ITM2B: variants seen among roughly 807,000 people sequenced by gnomAD.
The protein encoded by ITM2B is ABri/ADan amyloid peptide.
In ITM2B, 11 loss-of-function variants were observed where a neutral mutation model predicts 27.8. The observed-to-expected ratio is 0.40, with a 90% CI of 0.25 to 0.66. ITM2B has a LOEUF of 0.66. ITM2B is among the 30% of genes least tolerant of loss of function. ITM2B has a pLI of 0.43. For missense variants in ITM2B, 296 were observed against 328.9 expected (o/e 0.90, Z 0.77); for synonymous variants, 114 against 114.3 (o/e 1.00, Z 0.02).
chr13:48,241,255 A>G (rs7321677), intron 1 of ITM2B, among the ~76,000 whole-genome samples: 3,780 of 152,300 alleles, frequency 0.025, 147 homozygotes, highest in African/African-American at 0.086. Context: ...TCTGTCACCC[A>G]GGCTCGAGTG....
chr13:48,238,456 C>T (rs970252941), intron 1 of ITM2B, among the ~76,000 whole-genome samples: 39 of 152,178 alleles, frequency 2.6e-4, no homozygotes, highest in African/African-American at 7.9e-4. Flanking sequence ...AAGTTTGAAT[C>T]TTGAGTTGTA....
chr13:48,259,950 T>A (rs897738741), intron 5 of ITM2B, among the ~76,000 whole-genome samples: 1 of 152,120 alleles, frequency 6.6e-6, no homozygotes, highest in Non-Finnish European at 1.5e-5. Flanking sequence ...GCTGCACCCA[T>A]CAACCTGTCA....
At chr13:48,241,555 T>G (rs1221972534) in intron 1 of ITM2B, among the ~76,000 whole-genome samples, 1 of 152,184 alleles carries the variant, frequency 6.6e-6, no homozygotes, top group African/African-American at 2.4e-5. Flanking sequence ...AATCAGTGGT[T>G]GTTAAACATT....
In ITM2B at chr13:48,265,050, C is replaced by A. The variant is rs1441923351; in HGVS notation, c.*3826C>A. The A allele has an allele frequency of 6.6e-6, 1 of 152,050 alleles. No homozygotes were observed. The highest frequency in any genetic ancestry group is 1.5e-5 in the Non-Finnish European group (1 of 68,024). The allele number at this position is 152,050 out of a possible 1,614,324, so 9.4% of individuals were successfully genotyped here. On this transcript the variant is annotated 3_prime_UTR_variant, in exon 6 of 6. Coordinates refer to ENST00000647800, the MANE Select transcript of ITM2B (RefSeq NM_021999.5). ...TGGGCTTAGGGGTCAAAATTGAGAC[C>A]TAAGTGGTATAAAACAAGATAATCC...
chr13:48,254,473 G>A (rs1951774028), intron 2 of ITM2B, among the ~76,000 whole-genome samples: 1 of 152,174 alleles, frequency 6.6e-6, no homozygotes, highest in Non-Finnish European at 1.5e-5. Flanking sequence ...ATAACTTTGA[G>A]TGTTTAATAG....
chr13:48,260,012 C>T (rs551782864), intron 5 of ITM2B, among the ~76,000 whole-genome samples: 16 of 152,140 alleles, frequency 1.1e-4, no homozygotes, highest in African/African-American at 3.4e-4. Context: ...CCCCACCTCC[C>T]GACAGGCCCC....
At chr13:48,238,656 C>T (rs1051389632) in intron 1 of ITM2B, among the ~76,000 whole-genome samples, 5 of 152,040 alleles carry the variant, frequency 3.3e-5, no homozygotes, top group African/African-American at 9.7e-5. Context: ...ATATCCTGGA[C>T]GTTTATTTGG....
At chr13:48,260,421 C>T (rs9332298) in intron 5 of ITM2B, among the ~76,000 whole-genome samples, 3,149 of 152,210 alleles carry the variant, frequency 0.021, 100 homozygotes, top group African/African-American at 0.068. Flanking sequence ...GGAATTGCCA[C>T]ACTCTCTTCC....
intron 1 of ITM2B, among the ~76,000 whole-genome samples, chr13:48,252,793 T>C (rs1951762658): frequency 6.6e-6 from 1 of 152,262 alleles, no homozygotes; most frequent in Non-Finnish European, 1.5e-5. Context: ...TCAAAGAGGC[T>C]GTTCATGTAT....
rs577075766 is a variant in ITM2B, at chr13:48,262,550, T to C, written c.*1326T>C. ...ACAATATGTTTCAATAAAATGAGAA[T>C]TGGTTTTTCCTACTTTCCAGGCTCT... On this transcript the variant is annotated 3_prime_UTR_variant, in exon 6 of 6. Transcript: ENST00000647800. 7 of 152,196 alleles carry C rather than the reference T, an allele frequency of 4.6e-5. No individual in the cohort carries two copies. The highest frequency in any genetic ancestry group is 1.0e-4 in the Non-Finnish European group (7 of 68,020). 9.4% of individuals were successfully genotyped at this position (152,196 alleles called of 1,614,324 possible).
chr13:48,249,095 C>T (rs568240597), intron 1 of ITM2B, among the ~76,000 whole-genome samples: 1 of 152,206 alleles, frequency 6.6e-6, no homozygotes, highest in East Asian at 1.9e-4. Context: ...ATATATCCAC[C>T]CCAACAATCA....
intron 5 of ITM2B, 32 bp from the exon 6 acceptor site, chr13:48,261,107 A>C (rs1230477358): frequency 1.8e-5 from 26 of 1,451,874 alleles, no homozygotes; most frequent in Non-Finnish European, 2.4e-5. Context: ...AAAGAATCAA[A>C]ATTTTAAAAA....
chr13:48,240,744 T>C (rs139732375), intron 1 of ITM2B, among the ~76,000 whole-genome samples: 1 of 152,368 alleles, frequency 6.6e-6, no homozygotes, highest in East Asian at 1.9e-4. Flanking sequence ...TATATAGTCC[T>C]GCCCTATGTC....
In ITM2B at chr13:48,262,538, A is replaced by G. The variant is rs753213623; in HGVS notation, c.*1314A>G. On this transcript the variant is annotated 3_prime_UTR_variant, in exon 6 of 6. Coordinates refer to ENST00000647800, the MANE Select transcript of ITM2B (RefSeq NM_021999.5). ...CAATTTTAGAAGACAATATGTTTCA[A>G]TAAAATGAGAATTGGTTTTTCCTAC... The G allele has an allele frequency of 2.6e-5, 4 of 152,212 alleles. No homozygotes were observed. Among genetic ancestry groups the G allele is most frequent in the Non-Finnish European group, 5.9e-5 (4 of 68,036 alleles). The allele number at this position is 152,212 out of a possible 1,614,324, so 9.4% of individuals were successfully genotyped here. A position where few individuals can be genotyped will look rare whatever the true frequency, so the allele number is the denominator to read the frequency against.
rs1316614890 is a variant in ITM2B, at chr13:48,262,092, C to T, written c.*868C>T. 3 of 152,024 alleles carry T rather than the reference C, an allele frequency of 2.0e-5. No homozygotes were observed. The highest frequency in any genetic ancestry group is 4.4e-5 in the Non-Finnish European group (3 of 67,978). The allele number at this position is 152,024 out of a possible 1,614,324, so 9.4% of individuals were successfully genotyped here. Reference sequence around the variant, plus strand: ...TATTAAAGTAACATTTAAGCCTCAACCTTGAATGATGTTGTTTAATATAAA... The same window carrying T: ...TATTAAAGTAACATTTAAGCCTCAATCTTGAATGATGTTGTTTAATATAAA... On this transcript the variant is annotated 3_prime_UTR_variant, in exon 6 of 6. Coordinates refer to ENST00000647800, the MANE Select transcript of ITM2B (RefSeq NM_021999.5).
chr13:48,246,869 A>G (rs575954142), intron 1 of ITM2B, among the ~76,000 whole-genome samples: 4 of 152,220 alleles, frequency 2.6e-5, no homozygotes, highest in Admixed American at 2.6e-4. Flanking sequence ...TCGCTCTGTC[A>G]CCAGGCTGGA....
chr13:48,260,543 G>C (rs1391817387), intron 5 of ITM2B, among the ~76,000 whole-genome samples: 2 of 147,452 alleles, frequency 1.4e-5, no homozygotes, highest in Admixed American at 1.3e-4. Flanking sequence ...ATAGTCCTCA[G>C]TATGTATCAT....
intron 5 of ITM2B, 81 bp downstream of exon 5, chr13:48,259,028 T>TA: frequency 1.1e-6 from 1 of 935,384 alleles, no homozygotes; most frequent in Non-Finnish European, 1.7e-6. Context: ...TAGTCATTGT[T>TA]ACCAATATAC....
Position 48,253,810 on chromosome 13 carries a change from C to A in ITM2B, c.120C>A (p.Asp40Glu). ...TAACTGTCTTTTTCATATTTTAGGACCCAGATGATGTGGTACCAGTTGGCC... is the reference window on the plus strand; with the variant it reads ...TAACTGTCTTTTTCATATTTTAGGAACCAGATGATGTGGTACCAGTTGGCC... ...PPDAVAVDCK[D>E]PDDVVPVGQR... is the part of the protein sequence containing the mutation. The change falls in exon 2 of 6, where the codon GAC (aspartate) becomes GAA (glutamate). Residue 40 changes from aspartate to glutamate, a missense_variant and splice_region_variant. Transcript: ENST00000647800. The A allele has an allele frequency of 6.2e-7, 1 of 1,613,634 alleles. No individual in the cohort carries two copies. The highest frequency in any genetic ancestry group is 1.1e-5 in the South Asian group (1 of 91,066).
Sources: gnomAD v4.1 joint callset for allele counts (sites outside exome capture counted in the v4.1 genomes callset) on GRCh38, gnomAD v4.1.1 for gene constraint, MANE v1.5 for transcripts, NCBI Gene and HGNC (gene_info 2026-07-23, HGNC 2026-07-21) for gene names.